Variants in PRELID2 observed in about 807,000 individuals in gnomAD.
The protein encoded by PRELID2 is PRELI domain-containing protein 2.
Under a neutral mutation model 28.4 loss-of-function variants are expected in PRELID2, and 25 were observed. That is an observed-to-expected ratio of 0.88 (90% confidence interval 0.64 to 1.23). The LOEUF is 1.23. Ranked by LOEUF, PRELID2 falls within the 50% of genes most tolerant of loss-of-function variation. The pLI, the probability that PRELID2 is intolerant of heterozygous loss-of-function variation, is 0.00. For missense variants in PRELID2, 201 were observed against 214.4 expected (o/e 0.94, Z 0.39); for synonymous variants, 76 against 71.6 (o/e 1.06, Z -0.31).
At chr5:145,732,767 C>A (rs900480389) in intron 1 of PRELID2, among the ~76,000 whole-genome samples, 1 of 152,052 alleles carries the variant, frequency 6.6e-6, no homozygotes, top group Non-Finnish European at 1.5e-5. Flanking sequence ...TGATACATAA[C>A]TATCCAAGAG....
intron 1 of PRELID2, among the ~76,000 whole-genome samples, chr5:145,487,498 T>C (rs556050851): frequency 1.3e-5 from 2 of 152,274 alleles, no homozygotes; most frequent in South Asian, 2.1e-4. Flanking sequence ...GCATAGAATG[T>C]CAATTTTCCA....
chr5:145,264,819 C>T, the PRELID2 span, among the ~76,000 whole-genome samples: 2 of 151,538 alleles, frequency 1.3e-5, no homozygotes, highest in Non-Finnish European at 2.9e-5. Context: ...ACTAAAATTA[C>T]AAAAATTAGT....
At chr5:145,742,110 A>T (rs1217195455) in intron 1 of PRELID2, among the ~76,000 whole-genome samples, 10 of 125,858 alleles carry the variant, frequency 7.9e-5, no homozygotes, top group African/African-American at 2.8e-4. Flanking sequence ...ATAATTATAT[A>T]TAAATAAAAT....
the PRELID2 span, among the ~76,000 whole-genome samples, chr5:145,408,410 T>TATGTATAATATATATGTATAAC: frequency 2.1e-4 from 29 of 138,232 alleles, no homozygotes; most frequent in East Asian, 8.1e-4. Flanking sequence ...TATATATATA[T>TATGTATAATATATATGTATAAC]ATATATATGT....
chr5:145,442,417 C>A, the PRELID2 span, among the ~76,000 whole-genome samples: 2 of 151,966 alleles, frequency 1.3e-5, no homozygotes, highest in Admixed American at 6.6e-5. Flanking sequence ...CTGCATCACC[C>A]TATCTCTCTA....
At chr5:145,826,320 G>T in intron 1 of PRELID2, 2 of 325,672 alleles carry the variant, frequency 6.1e-6, no homozygotes, top group Non-Finnish European at 8.8e-6. Flanking sequence ...TCTCATGAAA[G>T]CAATGTGATC....
At chr5:145,355,415 A>G in the PRELID2 span, among the ~76,000 whole-genome samples, 3 of 152,140 alleles carry the variant, frequency 2.0e-5, no homozygotes, top group Non-Finnish European at 4.4e-5. Context: ...ATGTATGTGT[A>G]GAGATTGAGG....
At chr5:145,489,880 T>C (rs1445805888) in intron 1 of PRELID2, among the ~76,000 whole-genome samples, 1 of 152,184 alleles carries the variant, frequency 6.6e-6, no homozygotes, top group East Asian at 1.9e-4. Flanking sequence ...ATTTATTTTT[T>C]CCAAAACCTT....
chr5:145,334,002 A>C, the PRELID2 span, among the ~76,000 whole-genome samples: 160 of 152,234 alleles, frequency 1.1e-3, 1 homozygote, highest in East Asian at 4.1e-3. Context: ...CACATAGCAC[A>C]GTCCTTCATG....
At chr5:145,387,269 T>C in the PRELID2 span, among the ~76,000 whole-genome samples, 6 of 151,982 alleles carry the variant, frequency 3.9e-5, no homozygotes, top group Admixed American at 3.9e-4. Flanking sequence ...TATGTTGGGC[T>C]AGTGAAATTA....
chr5:145,294,374 C>A, the PRELID2 span, among the ~76,000 whole-genome samples: 1 of 152,182 alleles, frequency 6.6e-6, no homozygotes, highest in East Asian at 1.9e-4. Flanking sequence ...AACCCATCAG[C>A]TAGCATGTGT....
chr5:145,769,197 C>A (rs541161568), intron 5 of PRELID2, among the ~76,000 whole-genome samples: 1 of 152,298 alleles, frequency 6.6e-6, no homozygotes, highest in South Asian at 2.1e-4. Context: ...AAACCATAAA[C>A]CAGCTTGATT....
chr5:145,482,837 G>A (rs571983869), intron 1 of PRELID2, among the ~76,000 whole-genome samples: 46 of 151,878 alleles, frequency 3.0e-4, no homozygotes, highest in African/African-American at 1.0e-3. Flanking sequence ...TAAGACTTAT[G>A]CAACCTAGAT....
intron 5 of PRELID2, among the ~76,000 whole-genome samples, chr5:145,786,207 T>A (rs1751984393): frequency 6.6e-6 from 1 of 152,238 alleles, no homozygotes; most frequent in South Asian, 2.1e-4. Flanking sequence ...CAACTCAGCA[T>A]ACAGGTTGGA....
At chr5:145,668,499 T>C (rs1754641950) in intron 1 of PRELID2, among the ~76,000 whole-genome samples, 1 of 152,034 alleles carries the variant, frequency 6.6e-6, no homozygotes, top group South Asian at 2.1e-4. Flanking sequence ...GGCTAGTATA[T>C]GACCTGTAGA....
At chr5:145,630,469 GACAA>G (rs1217411302) in intron 1 of PRELID2, among the ~76,000 whole-genome samples, 5 of 152,170 alleles carry the variant, frequency 3.3e-5, no homozygotes, top group Non-Finnish European at 5.9e-5. Flanking sequence ...AGAACTGTAA[GACAA>G]ACATTCTCCA....
the PRELID2 span, among the ~76,000 whole-genome samples, chr5:145,361,427 C>T: frequency 2.0e-5 from 3 of 152,206 alleles, no homozygotes; most frequent in African/African-American, 7.2e-5. Context: ...TCTATGGTAT[C>T]TTCTGCTGAC....
chr5:145,724,898 A>G (rs1230726167), intron 1 of PRELID2, among the ~76,000 whole-genome samples: 1 of 150,818 alleles, frequency 6.6e-6, no homozygotes, highest in African/African-American at 2.4e-5. Flanking sequence ...GCACACCACT[A>G]AGCCTAGCTA....
chr5:145,536,503 T>C (rs950440508), intron 1 of PRELID2, among the ~76,000 whole-genome samples: 3 of 151,942 alleles, frequency 2.0e-5, no homozygotes, highest in African/African-American at 7.2e-5. Flanking sequence ...TAAAAGTCTG[T>C]ATTTCTCCAT....
Sources: gnomAD v4.1 joint callset for allele counts (sites outside exome capture counted in the v4.1 genomes callset) on GRCh38, gnomAD v4.1.1 for gene constraint, MANE v1.5 for transcripts, NCBI Gene and HGNC (gene_info 2026-07-23, HGNC 2026-07-21) for gene names.